EP400: variants seen among roughly 807,000 people sequenced by gnomAD.
EP400 encodes E1A binding protein p400.
Under a neutral mutation model 354.1 loss-of-function variants are expected in EP400, and 105 were observed. That is an observed-to-expected ratio of 0.30 (90% CI 0.25 to 0.35). The LOEUF (loss-of-function observed/expected upper bound fraction) is 0.35. Among genes scored for constraint, EP400 ranks in the 10% least tolerant of loss-of-function variants. The pLI, the probability that EP400 is intolerant of heterozygous loss-of-function variation, is 1.00. For missense variants in EP400, 3,280 were observed against 4,121.0 expected, an observed-to-expected ratio of 0.80 and a Z score of 5.59; for synonymous variants, 1,646 against 1,716.9, an observed-to-expected ratio of 0.96 and a Z score of 1.02.
chr12:132,003,392 A>G (rs1247961272), intron 12 of EP400, among the ~76,000 whole-genome samples: 1 of 152,122 alleles, frequency 6.6e-6, no homozygotes, highest in Non-Finnish European at 1.5e-5. Flanking sequence ...GCAAATATAC[A>G]TTACTTTATA....
chr12:131,960,840 T>A lies in EP400; in HGVS notation c.221T>A (p.Ile74Asn). The A allele has an allele frequency of 6.2e-7, 1 of 1,613,836 alleles. No individual in the cohort carries two copies. Residue 74 changes from isoleucine (I) to asparagine (N), a missense_variant, in exon 2 of 53, where the codon ATC becomes AAC. This residue lies in a region of EP400 where 172 missense variants were observed against 242.9 expected (regional missense o/e 0.71). Transcript: ENST00000389561. ...CCTGCAACCGGGCAGAACGTGAACATCACCCTGCAGAGCGTGGGCCCTGTC... is the reference window on the plus strand; with the variant it reads ...CCTGCAACCGGGCAGAACGTGAACAACACCCTGCAGAGCGTGGGCCCTGTC... ...RSPATGQNVN[I>N]TLQSVGPVVG...
At chr12:132,058,640 G>A (rs997830410) in intron 45 of EP400, among the ~76,000 whole-genome samples, 4 of 152,092 alleles carry the variant, frequency 2.6e-5, no homozygotes, top group African/African-American at 4.8e-5. Flanking sequence ...GTGAGCCACC[G>A]CGCCCAGCCT....
chr12:132,025,873 A>G lies in EP400; in HGVS notation c.5014+69A>G. 1 of 1,472,954 alleles carries G rather than the reference A, an allele frequency of 6.8e-7. No individual in the cohort carries two copies. Among genetic ancestry groups the G allele is most frequent in the Non-Finnish European group, 9.0e-7 (1 of 1,114,360 alleles). The allele number at this position is 1,472,954 out of a possible 1,614,324, so 91.2% of individuals were successfully genotyped here. On this transcript the variant is annotated intron_variant, in intron 25 of 52. Coordinates refer to ENST00000389561, the MANE Select transcript of EP400 (RefSeq NM_015409.5). This position sits in a 1 kb window ranked among gnomAD's most constrained non-coding sequence, Gnocchi z 4.1. The stretch of plus-strand genomic sequence containing the variant: ...TTTCTCTTCCATCTAAGGCGAGTGG[A>G]AAGCATTCATGTGTCTTTGACTGTA...
chr12:132,007,425 A>G (rs1049051928), intron 15 of EP400, among the ~76,000 whole-genome samples: 1 of 151,856 alleles, frequency 6.6e-6, no homozygotes, highest in Admixed American at 6.5e-5. Context: ...GGCAGCCCCA[A>G]CTGGCTCTTC....
Position 131,961,525 on chromosome 12 carries a change from C to T in EP400, c.906C>T (p.Leu302=), listed in dbSNP as rs770966188. The change falls in exon 2 of 53, where the codon CTC becomes CTT. Residue 302 remains leucine (L), a synonymous_variant. Transcript: ENST00000389561. ...TCGAGAGGACACCCGGCGTGCTGCT[C>T]CCCGGGGCTGGGGGCGCAGCGGGGT... ...LGFERTPGVL[L]PGAGGAAGFG... The T allele has an allele frequency of 6.4e-7, 1 of 1,574,668 alleles. No individual in the cohort carries two copies. Among genetic ancestry groups the T allele is most frequent in the Non-Finnish European group, 8.6e-7 (1 of 1,159,036 alleles).
chr12:132,021,907 C>A (rs907621975), intron 23 of EP400, among the ~76,000 whole-genome samples: 2 of 152,152 alleles, frequency 1.3e-5, no homozygotes, highest in African/African-American at 4.8e-5. Flanking sequence ...AGTATGTTTT[C>A]AAACCTTACA....
At position 132,043,289 on chromosome 12, in the gene EP400, A is replaced by G. The variant is rs1372029116; in HGVS notation, c.6208-15A>G. 3 of 1,602,484 alleles carry G rather than the reference A, an allele frequency of 1.9e-6. No individual in the cohort carries two copies. The highest frequency in any genetic ancestry group is 2.6e-6 in the Non-Finnish European group (3 of 1,175,882). On this transcript the variant is annotated splice_polypyrimidine_tract_variant and intron_variant, in intron 32 of 52. Transcript: ENST00000389561. ...AAAAGTCTATCAAGGCAATCTAAAC[A>G]TAGACTTTCCTCAGGCCCTCAAGAG...
rs571550353 is a variant in EP400, at chr12:132,018,944, G to A, written c.4277+568G>A. Among the ~76,000 whole-genome samples the A allele has an allele frequency of 8.5e-5, 13 of 152,346 alleles. No homozygotes were observed. In the East Asian group the frequency reaches 1.2e-3, roughly 14 times the overall value. Reference sequence around the variant, plus strand: ...AAGGAAATAGGTATTTGGAGATGAAGGGGCCAGCTCTGCAGACAGTCTTGT... The same window carrying A: ...AAGGAAATAGGTATTTGGAGATGAAAGGGCCAGCTCTGCAGACAGTCTTGT... On this transcript the variant is annotated intron_variant, in intron 21 of 52. Transcript: ENST00000389561. This position sits in a 1 kb window ranked among gnomAD's most constrained non-coding sequence, Gnocchi z 4.0.
chr12:131,962,644 G>T (rs1017664051), intron 2 of EP400, among the ~76,000 whole-genome samples: 1 of 152,160 alleles, frequency 6.6e-6, no homozygotes, highest in Non-Finnish European at 1.5e-5. Context: ...CTTTTTTAGA[G>T]AGTATACTTT....
chr12:132,037,499 G>A lies in EP400; in HGVS notation c.5952-183G>A, dbSNP rs139447522. On this transcript the variant is annotated intron_variant, in intron 30 of 52. Transcript: ENST00000389561. ...GCCTCCTGTCAGCTCTCTGGGAGGCGGGAGAGCTAAGATTGGAGGGGCTGG... is the reference window on the plus strand; with the variant it reads ...GCCTCCTGTCAGCTCTCTGGGAGGCAGGAGAGCTAAGATTGGAGGGGCTGG... Among the ~76,000 whole-genome samples the A allele has an allele frequency of 1.6e-3, 239 of 152,306 alleles. 1 individual carries two copies. Among genetic ancestry groups the A allele is most frequent in the African/African-American group, 5.5e-3 (228 of 41,572 alleles).
At chr12:131,967,115 C>T (rs1297858049) in intron 2 of EP400, among the ~76,000 whole-genome samples, 3 of 151,660 alleles carry the variant, frequency 2.0e-5, no homozygotes, top group African/African-American at 4.8e-5. Context: ...TGCGGTGGCT[C>T]ATGCCTGTAA....
At chr12:131,975,849 C>T (rs988161167) in intron 2 of EP400, among the ~76,000 whole-genome samples, 2 of 152,084 alleles carry the variant, frequency 1.3e-5, no homozygotes, top group African/African-American at 2.4e-5. Context: ...TAAGCCACTG[C>T]GCCTGGTCAA....
intron 32 of EP400, among the ~76,000 whole-genome samples, chr12:132,040,048 A>C (rs1206843412): frequency 1.3e-5 from 2 of 152,312 alleles, no homozygotes; most frequent in African/African-American, 2.4e-5. Flanking sequence ...TCAAAGATAA[A>C]ATATGCAAAG....
intron 48 of EP400, chr12:132,065,148 T>C (rs1593386184): frequency 3.2e-6 from 2 of 622,210 alleles, no homozygotes; most frequent in Non-Finnish European, 5.4e-6. Flanking sequence ...GTGAGCGAGG[T>C]GAGATGCAGC....
Position 131,987,733 on chromosome 12 carries a change from A to G in EP400, c.2252A>G (p.Glu751Gly). 1 of 1,610,400 alleles carries G rather than the reference A, an allele frequency of 6.2e-7. No homozygotes were observed. The highest frequency in any genetic ancestry group is 2.2e-5 in the East Asian group (1 of 44,824). ...LENQVHQRIAELRKAGLWSQR... is the reference protein window; with the variant it reads ...LENQVHQRIAGLRKAGLWSQR... Reference sequence around the variant, plus strand: ...AACCAGGTGCATCAGCGCATTGCGGAGCTGAGGAAAGCAGGTCTGTGGTCC... The same window carrying G: ...AACCAGGTGCATCAGCGCATTGCGGGGCTGAGGAAAGCAGGTCTGTGGTCC... Residue 751 changes from glutamate (E) to glycine (G), a missense_variant, in exon 7 of 53, where the codon GAG (glutamate) becomes GGG (glycine). Around this residue, in one of 20 missense-constraint regions of EP400, gnomAD observed 800 missense variants for 840.0 expected, o/e 0.95. Coordinates refer to ENST00000389561, the MANE Select transcript of EP400 (RefSeq NM_015409.5).
chr12:131,986,984 T>C (rs1892876146), intron 6 of EP400, among the ~76,000 whole-genome samples, 177 bp downstream of exon 6: 1 of 152,148 alleles, frequency 6.6e-6, no homozygotes, highest in African/African-American at 2.4e-5. Flanking sequence ...AGCAGACTCA[T>C]GGGGGCAGTC....
Position 132,027,678 on chromosome 12 carries a change from TA to T in EP400, c.5109+151del. On this transcript the variant is annotated intron_variant, in intron 26 of 52. Coordinates refer to ENST00000389561, the MANE Select transcript of EP400 (RefSeq NM_015409.5). This position sits in a 1 kb window ranked among gnomAD's most constrained non-coding sequence, Gnocchi z 4.9. ...TTATTTTAAAACACACATTTTCTAATAAAATAAATGAAACTGGACTTACGAC... is the reference window on the plus strand; with the variant it reads ...TTATTTTAAAACACACATTTTCTAATAAATAAATGAAACTGGACTTACGAC... The T allele has an allele frequency of 1.4e-6, 1 of 730,264 alleles. No individual in the cohort carries two copies. Among genetic ancestry groups the T allele is most frequent in the Non-Finnish European group, 2.2e-6 (1 of 456,206 alleles). The allele number at this position is 730,264 out of a possible 1,614,324, so 45.2% of individuals were successfully genotyped here. A position where few individuals can be genotyped will look rare whatever the true frequency, so the allele number is the denominator to read the frequency against.
At position 132,038,164 on chromosome 12, in the gene EP400, C is replaced by T. The variant is rs1894777781; in HGVS notation, c.6207+68C>T. 6.3e-7 allele frequency: 1 copy of T among 1,595,300 alleles called. No individual in the cohort carries two copies. The highest frequency in any genetic ancestry group is 1.7e-5 in the Admixed American group (1 of 59,180). Reference sequence around the variant, plus strand: ...GCCGGCGGAACACCTGCACCCTCCCCCAGGGTTCTGGGTGCTCAGTCCCCA... The same window carrying T: ...GCCGGCGGAACACCTGCACCCTCCCTCAGGGTTCTGGGTGCTCAGTCCCCA... On this transcript the variant is annotated intron_variant, in intron 32 of 52. Transcript: ENST00000389561. The surrounding 1 kb of genome is among the most constrained non-coding windows in gnomAD (Gnocchi z 4.2).
chr12:131,991,567 C>CT, intron 10 of EP400, 111 bp downstream of exon 10: 1 of 901,130 alleles, frequency 1.1e-6, no homozygotes, highest in Non-Finnish European at 1.7e-6. Context: ...CTATTACTTC[C>CT]TTTCTTTTCT....
Sources: allele counts gnomAD v4.1 joint callset (sites outside exome capture counted in the v4.1 genomes callset), GRCh38; gene constraint gnomAD v4.1.1; regional missense constraint gnomAD v4.1.1; non-coding constraint Gnocchi (gnomAD v3.1); transcripts MANE v1.5; gene names NCBI Gene and HGNC (gene_info 2026-07-23, HGNC 2026-07-21).